Variants in CIMIP6 observed in about 807,000 individuals in gnomAD.
CIMIP6 encodes ciliary microtubule inner protein 6.
At chr2:54,334,501 G>A in the CIMIP6 span, among the ~76,000 whole-genome samples, 8 of 152,216 alleles carry the variant, frequency 5.3e-5, no homozygotes, top group East Asian at 1.3e-3. Flanking sequence ...ATCCACACAC[G>A]TGAGTACTGC....
the CIMIP6 span, among the ~76,000 whole-genome samples, chr2:54,344,091 T>C: frequency 1.3e-5 from 2 of 152,218 alleles, no homozygotes; most frequent in Non-Finnish European, 1.5e-5. Context: ...GAAAATTGTA[T>C]TGATCATTAA....
At chr2:54,375,599 C>A in the CIMIP6 span, among the ~76,000 whole-genome samples, 5 of 152,190 alleles carry the variant, frequency 3.3e-5, no homozygotes, top group South Asian at 4.1e-4. Flanking sequence ...CAATTTTACT[C>A]CTTGGTGTCT....
the CIMIP6 span, among the ~76,000 whole-genome samples, chr2:54,345,300 A>C: frequency 6.6e-6 from 1 of 152,204 alleles, no homozygotes; most frequent in Non-Finnish European, 1.5e-5. Context: ...GGGACAAGGC[A>C]AAGGAGTTTG....
the CIMIP6 span, among the ~76,000 whole-genome samples, chr2:54,374,472 G>A: frequency 6.6e-6 from 1 of 152,168 alleles, no homozygotes; most frequent in African/African-American, 2.4e-5. Flanking sequence ...CAGGGGAAAG[G>A]AGAATTAGGA....
At chr2:54,369,317 A>T in the CIMIP6 span, among the ~76,000 whole-genome samples, 1 of 152,274 alleles carries the variant, frequency 6.6e-6, no homozygotes, top group South Asian at 2.1e-4. Flanking sequence ...GCTAAAAAAA[A>T]AATCCTTTAC....
At chr2:54,360,327 A>C in the CIMIP6 span, 11 of 1,611,502 alleles carry the variant, frequency 6.8e-6, no homozygotes, top group Middle Eastern at 6.6e-4. Context: ...AAAACAGAGA[A>C]AGGAAACTCA....
At chr2:54,378,148 C>G in the CIMIP6 span, among the ~76,000 whole-genome samples, 2 of 152,222 alleles carry the variant, frequency 1.3e-5, no homozygotes, top group African/African-American at 4.8e-5. Context: ...CTGGGAAAAA[C>G]ATTGACTTTA....
chr2:54,360,547 T>G, the CIMIP6 span: 1 of 1,494,068 alleles, frequency 6.7e-7, no homozygotes, highest in African/African-American at 1.4e-5. Context: ...ATCCACCAAT[T>G]AAAAAATCAG....
At chr2:54,363,659 T>C in the CIMIP6 span, among the ~76,000 whole-genome samples, 1 of 152,026 alleles carries the variant, frequency 6.6e-6, no homozygotes, top group Non-Finnish European at 1.5e-5. Context: ...AATTTTTTTT[T>C]CTGATCATAA....
the CIMIP6 span, among the ~76,000 whole-genome samples, chr2:54,348,575 C>T: frequency 6.6e-6 from 1 of 152,108 alleles, no homozygotes; most frequent in African/African-American, 2.4e-5. Context: ...GTAACATGTA[C>T]TGCACAATAT....
the CIMIP6 span, among the ~76,000 whole-genome samples, chr2:54,353,411 C>G: frequency 1.3e-5 from 2 of 152,134 alleles, no homozygotes; most frequent in East Asian, 3.9e-4. Context: ...AGTGACAGTT[C>G]TCTTGAGTTG....
the CIMIP6 span, among the ~76,000 whole-genome samples, chr2:54,382,353 G>C: frequency 1.3e-5 from 2 of 152,118 alleles, no homozygotes; most frequent in Non-Finnish European, 2.9e-5. Flanking sequence ...GGCCATTATA[G>C]ATATGCCCTG....
At chr2:54,331,033 T>C in the CIMIP6 span, 1 of 1,612,620 alleles carries the variant, frequency 6.2e-7, no homozygotes, top group East Asian at 2.2e-5. Flanking sequence ...CTTATTTCCC[T>C]TTCCAAAAAC....
the CIMIP6 span, among the ~76,000 whole-genome samples, chr2:54,380,643 C>G: frequency 1.3e-5 from 2 of 152,346 alleles, no homozygotes; most frequent in Non-Finnish European, 2.9e-5. Context: ...TGTGCTGATA[C>G]GCTCTCCCCT....
chr2:54,362,916 G>A, the CIMIP6 span, among the ~76,000 whole-genome samples: 1,911 of 152,166 alleles, frequency 0.013, 25 homozygotes, highest in South Asian at 0.039. Flanking sequence ...CTACTAATTT[G>A]CTTTTCAGCC....
chr2:54,330,900 G>C, the CIMIP6 span: 2 of 1,461,996 alleles, frequency 1.4e-6, no homozygotes, highest in East Asian at 2.3e-5. Flanking sequence ...GCCGCGCTTT[G>C]CGCACCCTTT....
the CIMIP6 span, among the ~76,000 whole-genome samples, chr2:54,368,829 C>T: frequency 5.3e-5 from 8 of 152,218 alleles, no homozygotes; most frequent in South Asian, 1.7e-3. Context: ...CAGCACTGTC[C>T]ACAATTCTGC....
At chr2:54,343,213 TTTTG>T in the CIMIP6 span, among the ~76,000 whole-genome samples, 11 of 152,212 alleles carry the variant, frequency 7.2e-5, no homozygotes, top group African/African-American at 2.2e-4. Flanking sequence ...TTTGTGAAAC[TTTTG>T]TTTCAGTTTT....
chr2:54,364,973 A>G, the CIMIP6 span, among the ~76,000 whole-genome samples: 1 of 152,232 alleles, frequency 6.6e-6, no homozygotes, highest in South Asian at 2.1e-4. Flanking sequence ...AGACTAAATA[A>G]GCAATTGCAG....
Sources: allele counts gnomAD v4.1 joint callset (sites outside exome capture counted in the v4.1 genomes callset), GRCh38; gene constraint gnomAD v4.1.1; transcripts MANE v1.5; gene names NCBI Gene and HGNC (gene_info 2026-07-23, HGNC 2026-07-21).